SYCE2: variants seen among roughly 807,000 people sequenced by gnomAD.
The protein encoded by SYCE2 is central element synaptonemal complex 1.
SYCE2 carries 3 observed loss-of-function variants against 27.9 expected under a neutral mutation model. That is an observed-to-expected ratio of 0.11 (90% CI 0.05 to 0.28). The LOEUF (loss-of-function observed/expected upper bound fraction) is 0.28. Ranked by LOEUF, SYCE2 falls within the 10% of genes least tolerant of loss-of-function variation. The pLI, the probability that SYCE2 is intolerant of heterozygous loss-of-function variation, is 1.00. For synonymous variants in SYCE2, 85 were observed against 100.7 expected, an observed-to-expected ratio of 0.84 and a Z score of 0.93; for missense variants, 207 against 263.5, an observed-to-expected ratio of 0.79 and a Z score of 1.48.
At chr19:12,909,959 C>T (rs549557923) in intron 2 of SYCE2, among the ~76,000 whole-genome samples, 24 of 152,186 alleles carry the variant, frequency 1.6e-4, no homozygotes, top group Admixed American at 9.8e-4. Context: ...CTCCAACTCC[C>T]GGTTTCAAGC....
intron 4 of SYCE2, 57 bp downstream of exon 4, chr19:12,900,403 C>T (rs1970810138): frequency 6.4e-7 from 1 of 1,564,182 alleles, no homozygotes; most frequent in Admixed American, 1.8e-5. Flanking sequence ...TTACTCTTGG[C>T]TGGGCCATCC....
At chr19:12,917,465 C>T (rs929021409) in intron 2 of SYCE2, among the ~76,000 whole-genome samples, 2 of 152,092 alleles carry the variant, frequency 1.3e-5, no homozygotes, top group Non-Finnish European at 2.9e-5. Context: ...GGGGTTCAAG[C>T]GATTCTCCTG....
At chr19:12,918,467 G>C (rs147192090) in intron 1 of SYCE2, 130 bp from the exon 2 acceptor site, 21 of 779,188 alleles carry the variant, frequency 2.7e-5, no homozygotes, top group African/African-American at 1.2e-4. Flanking sequence ...CAGGAAAGAC[G>C]GGCAGGGCTG....
chr19:12,910,307 T>A (rs1020984115), intron 2 of SYCE2, among the ~76,000 whole-genome samples: 66 of 152,252 alleles, frequency 4.3e-4, no homozygotes, highest in African/African-American at 1.5e-3. Flanking sequence ...AAAAAATTTT[T>A]TTTTCTTTTG....
intron 2 of SYCE2, among the ~76,000 whole-genome samples, chr19:12,915,402 C>T (rs1194093782): frequency 1.3e-5 from 2 of 151,662 alleles, no homozygotes; most frequent in African/African-American, 2.4e-5. Context: ...AGATTGAGAC[C>T]ATCCTGGCTA....
At position 12,899,222 on chromosome 19, in the gene SYCE2, T is replaced by G. The variant is rs1196805777; in HGVS notation, c.*119A>C. The stretch of plus-strand genomic sequence containing the variant: ...AGCACAAGGAGCTTTGGGTTTTTGT[T>G]TTTTTCTGCCAAGATGCATTATAGA... On this transcript the variant is annotated 3_prime_UTR_variant, in exon 6 of 6. Transcript: ENST00000293695. 1.1e-5 allele frequency: 11 copies of G among 969,776 alleles called. No individual in the cohort carries two copies. Among genetic ancestry groups the G allele is most frequent in the Non-Finnish European group, 1.8e-5 (11 of 626,344 alleles). The allele number at this position is 969,776 out of a possible 1,614,324, so 60.1% of individuals were successfully genotyped here. A position where few individuals can be genotyped will look rare whatever the true frequency, so the allele number is the denominator to read the frequency against.
chr19:12,905,694 G>C (rs867653482), intron 2 of SYCE2, among the ~76,000 whole-genome samples: 3 of 152,074 alleles, frequency 2.0e-5, no homozygotes, highest in Non-Finnish European at 4.4e-5. Context: ...TGCCCAGGCT[G>C]GAGTGCAGTG....
At chr19:12,913,549 G>A (rs1175051940) in intron 2 of SYCE2, among the ~76,000 whole-genome samples, 1 of 152,148 alleles carries the variant, frequency 6.6e-6, no homozygotes, top group African/African-American at 2.4e-5. Flanking sequence ...GCCAGGAAGG[G>A]GGAAGGTTTG....
In SYCE2 at chr19:12,900,599, T is replaced by A; in HGVS notation, c.356A>T (p.Asn119Ile). ...KLEERIYQIY[N>I]DHNKIIQEKL... ...TTCCTGGATGATCTTGTTGTGGTCA[T>A]TATAAATCTGATAGATCCTCTCCTC... The change falls in exon 4 of 6, where the codon AAT becomes ATT. Residue 119 changes from asparagine (N) to isoleucine (I), a missense_variant. Transcript: ENST00000293695. 6.2e-7 allele frequency: 1 copy of A among 1,614,140 alleles called. No individual in the cohort carries two copies. Among genetic ancestry groups the A allele is most frequent in the Non-Finnish European group, 8.5e-7 (1 of 1,180,042 alleles).
intron 2 of SYCE2, among the ~76,000 whole-genome samples, chr19:12,916,969 C>G (rs796775754): frequency 6.6e-6 from 1 of 151,938 alleles, no homozygotes; most frequent in African/African-American, 2.4e-5. Flanking sequence ...AGGCTGGTCT[C>G]GAAATCCTGA....
intron 3 of SYCE2, among the ~76,000 whole-genome samples, chr19:12,902,152 T>C (rs1004212709): frequency 6.6e-6 from 1 of 152,164 alleles, no homozygotes; most frequent in East Asian, 1.9e-4. Flanking sequence ...TTAGGAGCAA[T>C]AGGCTCTTCC....
intron 3 of SYCE2, among the ~76,000 whole-genome samples, chr19:12,904,155 C>T (rs764693821): frequency 2.0e-5 from 3 of 152,150 alleles, no homozygotes; most frequent in Non-Finnish European, 4.4e-5. Context: ...TCCAACGCCC[C>T]GCTCCCTCAG....
intron 2 of SYCE2, 169 bp from the exon 3 acceptor site, chr19:12,904,835 T>A: frequency 2.8e-6 from 2 of 718,872 alleles, no homozygotes; most frequent in Non-Finnish European, 4.4e-6. Flanking sequence ...TCGTCTCTAG[T>A]AAAAACAAAA....
rs888691692 is a variant in SYCE2, at chr19:12,908,478, C to T, written c.132-3812G>A. 7.2e-5 allele frequency among the ~76,000 whole-genome samples: 11 copies of T among 152,048 alleles called. No individual in the cohort carries two copies. In the South Asian group the frequency reaches 2.3e-3, roughly 32 times the overall value. ...TAGCTGGGACTACAGGCGCCCGCCACCACGCCCGGCTAATTTTTTGTATTT... is the reference window on the plus strand; with the variant it reads ...TAGCTGGGACTACAGGCGCCCGCCATCACGCCCGGCTAATTTTTTGTATTT... On this transcript the variant is annotated intron_variant, in intron 2 of 5. Coordinates refer to ENST00000293695, the MANE Select transcript of SYCE2 (RefSeq NM_001105578.2).
At chr19:12,908,509 A>G (rs1970983448) in intron 2 of SYCE2, among the ~76,000 whole-genome samples, 1 of 151,908 alleles carries the variant, frequency 6.6e-6, no homozygotes, top group African/African-American at 2.4e-5. Context: ...TATTTTTAGT[A>G]GAGACAGGGT....
chr19:12,912,504 A>G (rs1034954114), intron 2 of SYCE2, among the ~76,000 whole-genome samples: 1 of 152,088 alleles, frequency 6.6e-6, no homozygotes. Flanking sequence ...CAGCACCCCA[A>G]AGGTTTCATC....
chr19:12,908,552 G>C (rs974181910), intron 2 of SYCE2, among the ~76,000 whole-genome samples: 1 of 151,936 alleles, frequency 6.6e-6, no homozygotes, highest in Non-Finnish European at 1.5e-5. Context: ...TTTCCATCTC[G>C]TGACCTCATG....
At chr19:12,917,059 T>G (rs1971150780) in intron 2 of SYCE2, among the ~76,000 whole-genome samples, 1 of 149,962 alleles carries the variant, frequency 6.7e-6, no homozygotes, top group Non-Finnish European at 1.5e-5. Flanking sequence ...CTCTACTATA[T>G]ATATACTTTT....
At chr19:12,913,468 A>G (rs1336381824) in intron 2 of SYCE2, among the ~76,000 whole-genome samples, 4 of 152,214 alleles carry the variant, frequency 2.6e-5, no homozygotes, top group Non-Finnish European at 2.9e-5. Flanking sequence ...AGGCAAGCTA[A>G]TCAAACATTC....
Sources: allele counts gnomAD v4.1 joint callset (sites outside exome capture counted in the v4.1 genomes callset), GRCh38; gene constraint gnomAD v4.1.1; transcripts MANE v1.5; gene names NCBI Gene and HGNC (gene_info 2026-07-23, HGNC 2026-07-21).